BRSK2: variants seen among roughly 807,000 people sequenced by gnomAD.
BRSK2 encodes serine/threonine-protein kinase BRSK2.
BRSK2 carries 19 observed loss-of-function variants against 83.3 expected under a neutral mutation model. The observed-to-expected ratio is 0.23, with a 90% confidence interval of 0.16 to 0.33. The LOEUF is 0.33. BRSK2 is among the 10% of genes least tolerant of loss of function. The pLI is 1.00. For synonymous variants in BRSK2, 519 were observed against 435.4 expected (o/e 1.19, Z -2.39); for missense variants, 798 against 1,042.3 (o/e 0.77, Z 3.23).
intron 1 of BRSK2, among the ~76,000 whole-genome samples, chr11:1,394,870 A>C (rs1174902324): frequency 1.4e-4 from 10 of 70,244 alleles, no homozygotes; most frequent in East Asian, 8.5e-4. Context: ...GAGATGGGCC[A>C]TGGAGATGGG....
intron 1 of BRSK2, among the ~76,000 whole-genome samples, chr11:1,413,453 G>C (rs1847775724): frequency 6.6e-6 from 1 of 152,274 alleles, no homozygotes; most frequent in South Asian, 2.1e-4. Flanking sequence ...CCAGCCCTGA[G>C]GGCCCTGGCA....
chr11:1,394,578 C>T (rs1319744128), intron 1 of BRSK2, among the ~76,000 whole-genome samples: 3 of 52,560 alleles, frequency 5.7e-5, no homozygotes, highest in African/African-American at 2.5e-4. Flanking sequence ...TGGAGATGGG[C>T]CATGGAGATG....
At chr11:1,411,421 ACCCCAGCCG>A in intron 1 of BRSK2, 2 of 1,456,452 alleles carry the variant, frequency 1.4e-6, no homozygotes, top group African/African-American at 1.5e-5. Flanking sequence ...CCTGAGGGCC[ACCCCAGCCG>A]ATGGGCACGT....
intron 1 of BRSK2, among the ~76,000 whole-genome samples, chr11:1,415,048 T>C (rs1847948655): frequency 6.6e-6 from 1 of 151,734 alleles, no homozygotes; most frequent in Non-Finnish European, 1.5e-5. Flanking sequence ...GTCCCTGAGC[T>C]CAGTTCCTGG....
chr11:1,406,826 G>C (rs997862352), intron 1 of BRSK2, among the ~76,000 whole-genome samples: 4 of 152,220 alleles, frequency 2.6e-5, no homozygotes, highest in African/African-American at 9.6e-5. Flanking sequence ...CCAGGCATCT[G>C]CTCCCTCCAC....
In BRSK2 at chr11:1,454,342, G is replaced by A; in HGVS notation, c.1545-143G>A. On this transcript the variant is annotated intron_variant, in intron 15 of 19. Transcript: ENST00000528841. The surrounding 1 kb of genome is among the most constrained non-coding windows in gnomAD (Gnocchi z 5.2). ...TTAGGGCGTTGGGGTCAGGGCCATGGGTTCTGGCTAGCACTGTGGAGACAG... is the reference window on the plus strand; with the variant it reads ...TTAGGGCGTTGGGGTCAGGGCCATGAGTTCTGGCTAGCACTGTGGAGACAG... 2 of 986,298 alleles carry A rather than the reference G, an allele frequency of 2.0e-6. No homozygotes were observed. Among genetic ancestry groups the A allele is most frequent in the East Asian group, 2.4e-5 (1 of 40,956 alleles). The allele number at this position is 986,298 out of a possible 1,614,324, so 61.1% of individuals were successfully genotyped here.
intron 3 of BRSK2, among the ~76,000 whole-genome samples, chr11:1,440,080 G>A (rs1340597710): frequency 1.3e-5 from 2 of 152,124 alleles, no homozygotes; most frequent in Non-Finnish European, 2.9e-5. Flanking sequence ...CCACACCAGG[G>A]GCCACCACCC....
intron 16 of BRSK2, among the ~76,000 whole-genome samples, chr11:1,455,735 C>T (rs1294360292): frequency 6.6e-6 from 1 of 152,110 alleles, no homozygotes; most frequent in Non-Finnish European, 1.5e-5. Context: ...CCACGGCTAA[C>T]CTCAGACTCA....
chr11:1,423,169 C>T lies in BRSK2; in HGVS notation c.92-12871C>T, dbSNP rs925977937. Among the ~76,000 whole-genome samples the T allele has an allele frequency of 6.6e-5, 10 of 152,036 alleles. No homozygotes were observed. Among genetic ancestry groups the T allele is most frequent in the East Asian group, 3.9e-4 (2 of 5,152 alleles). ...CAGGGCCTCCCCCAGAGCGGTGCCTCGTGGGGGATGCGGTGCCTCGTGGGG... is the reference window on the plus strand; with the variant it reads ...CAGGGCCTCCCCCAGAGCGGTGCCTTGTGGGGGATGCGGTGCCTCGTGGGG... On this transcript the variant is annotated intron_variant, in intron 1 of 19. Coordinates refer to ENST00000528841, the MANE Select transcript of BRSK2 (RefSeq NM_001256627.2). This position sits in a 1 kb window ranked among gnomAD's most constrained non-coding sequence, Gnocchi z 6.5.
chr11:1,411,811 G>A (rs1847536618), intron 1 of BRSK2, among the ~76,000 whole-genome samples: 1 of 152,198 alleles, frequency 6.6e-6, no homozygotes, highest in South Asian at 2.1e-4. Flanking sequence ...TATGTGGAGA[G>A]GCGCCTGCCC....
intron 16 of BRSK2, 119 bp from the exon 17 acceptor site, chr11:1,456,229 G>A (rs1453976616): frequency 1.8e-6 from 2 of 1,085,826 alleles, no homozygotes; most frequent in African/African-American, 3.2e-5. Context: ...CGGAAGCAGA[G>A]GTGCCTGGGT....
chr11:1,411,734 G>A, intron 1 of BRSK2: 1 of 1,472,714 alleles, frequency 6.8e-7, no homozygotes, highest in Non-Finnish European at 9.1e-7. Flanking sequence ...GACCTCGCCA[G>A]CACTGGTGGG....
rs1333133437 is a variant in BRSK2 at position 1,390,128 on chromosome 11, G to T, written c.-157G>T. The T allele has an allele frequency of 1.2e-5, 2 of 172,864 alleles. No individual in the cohort carries two copies. Among genetic ancestry groups the T allele is most frequent in the Admixed American group, 6.8e-5 (1 of 14,740 alleles). The allele number at this position is 172,864 out of a possible 1,614,324, so 10.7% of individuals were successfully genotyped here. On this transcript the variant is annotated 5_prime_UTR_variant, in exon 1 of 20. Transcript: ENST00000528841. The surrounding 1 kb of genome is among the most constrained non-coding windows in gnomAD (Gnocchi z 6.8). ...CGTCGGAGTGGACGCGGGGGGCGGCGGCGCGGGCGGACGCGGGCGGCGCGA... is the reference window on the plus strand; with the variant it reads ...CGTCGGAGTGGACGCGGGGGGCGGCTGCGCGGGCGGACGCGGGCGGCGCGA...
chr11:1,409,127 G>A (rs1175323712), intron 1 of BRSK2, among the ~76,000 whole-genome samples: 8 of 152,146 alleles, frequency 5.3e-5, no homozygotes, highest in African/African-American at 1.9e-4. Flanking sequence ...GACCCTGGAG[G>A]CATGGGCCTG....
chr11:1,446,157 G>A (rs368103589), intron 12 of BRSK2, among the ~76,000 whole-genome samples: 22 of 141,364 alleles, frequency 1.6e-4, no homozygotes, highest in African/African-American at 6.6e-4. Context: ...GGGCTAGGCT[G>A]AGCTGGGCTG....
chr11:1,440,782 C>T lies in BRSK2; in HGVS notation c.273-6C>T, dbSNP rs760178018. 1 of 1,562,476 alleles carries T rather than the reference C, an allele frequency of 6.4e-7. No homozygotes were observed. The highest frequency in any genetic ancestry group is 1.2e-5 in the South Asian group (1 of 85,118). On this transcript the variant is annotated splice_polypyrimidine_tract_variant and splice_region_variant and intron_variant, in intron 3 of 19. Coordinates refer to ENST00000528841, the MANE Select transcript of BRSK2 (RefSeq NM_001256627.2). ...CTGGGCGCACTGGTGGCCCCGTCTCCTGCAGGTACCTGGTGCTAGAACACG... is the reference window on the plus strand; with the variant it reads ...CTGGGCGCACTGGTGGCCCCGTCTCTTGCAGGTACCTGGTGCTAGAACACG...
chr11:1,411,560 C>T, intron 1 of BRSK2: 1 of 1,577,542 alleles, frequency 6.3e-7, no homozygotes, highest in South Asian at 1.1e-5. Context: ...ACACTCCCGG[C>T]CCACAGCTGC....
intron 1 of BRSK2, among the ~76,000 whole-genome samples, chr11:1,425,423 CT>C (rs2132891606): frequency 6.6e-6 from 1 of 152,092 alleles, no homozygotes; most frequent in South Asian, 2.1e-4. Context: ...CTGTGGTGTC[CT>C]TGTGGTCTGT....
chr11:1,449,850 C>A lies in BRSK2; in HGVS notation c.1287+14C>A, dbSNP rs374977127. 16 of 1,597,672 alleles carry A rather than the reference C, an allele frequency of 1.0e-5. No homozygotes were observed. Among genetic ancestry groups the A allele is most frequent in the Non-Finnish European group, 1.4e-5 (16 of 1,167,382 alleles). On this transcript the variant is annotated intron_variant, in intron 13 of 19. Coordinates refer to ENST00000528841, the MANE Select transcript of BRSK2 (RefSeq NM_001256627.2). ...AGCAGCCCCCGGGTGAGTGACCCCC[C>A]GCCCCCACCCAGCTCGGATGCACAG...
Sources: gnomAD v4.1 joint callset for allele counts (sites outside exome capture counted in the v4.1 genomes callset) on GRCh38, gnomAD v4.1.1 for gene constraint, Gnocchi (gnomAD v3.1) non-coding constraint, MANE v1.5 for transcripts, NCBI Gene and HGNC (gene_info 2026-07-23, HGNC 2026-07-21) for gene names.